Variants in PAH observed in about 807,000 individuals in gnomAD.
The protein encoded by PAH is phenylalanine-4-hydroxylase.
Under a neutral mutation model 62.0 loss-of-function variants are expected in PAH, and 64 were observed. That is an observed-to-expected ratio of 1.03 (90% confidence interval 0.84 to 1.27). The LOEUF is 1.27. Ranked by LOEUF, PAH falls within the 50% of genes most tolerant of loss-of-function variation. The pLI, the probability that PAH is intolerant of heterozygous loss-of-function variation, is 0.00. For synonymous variants in PAH, 195 were observed against 196.2 expected (o/e 0.99, Z 0.05); for missense variants, 579 against 542.8 (o/e 1.07, Z -0.66).
chr12:102,861,690 G>A (rs1671635501), intron 5 of PAH, among the ~76,000 whole-genome samples: 1 of 152,040 alleles, frequency 6.6e-6, no homozygotes, highest in African/African-American at 2.4e-5. Flanking sequence ...AGGGACATGG[G>A]TGAAACTGGA....
chr12:102,933,831 A>AT (rs150907695), intron 1 of PAH, among the ~76,000 whole-genome samples: 4,799 of 152,066 alleles, frequency 0.032, 259 homozygotes, highest in African/African-American at 0.11. Flanking sequence ...ACCTCTTTGT[A>AT]ATTTCAGTTA....
chr12:102,867,616 C>T (rs1876034707), intron 4 of PAH, among the ~76,000 whole-genome samples: 1 of 152,132 alleles, frequency 6.6e-6, no homozygotes, highest in African/African-American at 2.4e-5. Flanking sequence ...CCATCCACCA[C>T]TTTAGCTCAC....
At chr12:102,886,431 C>A (rs140615725) in intron 3 of PAH, among the ~76,000 whole-genome samples, 4 of 152,258 alleles carry the variant, frequency 2.6e-5, no homozygotes, top group Admixed American at 2.6e-4. Flanking sequence ...CAACTACCCT[C>A]CCAATATCCT....
rs1440984801 is a variant in PAH at position 102,852,369 on chromosome 12, T to G, written c.842+446A>C. On this transcript the variant is annotated intron_variant, in intron 7 of 12. Coordinates refer to ENST00000553106, the MANE Select transcript of PAH (RefSeq NM_000277.3). ...ATAAGTTGCATAAGTTTTATCAGAC[T>G]AAGGGGATAACGAAACACCCAAGTA... 9 of 235,668 alleles carry G rather than the reference T, an allele frequency of 3.8e-5. No individual in the cohort carries two copies. In the East Asian group the frequency reaches 9.0e-4, roughly 24 times the overall value. 14.6% of individuals were successfully genotyped at this position (235,668 alleles called of 1,614,324 possible).
intron 2 of PAH, among the ~76,000 whole-genome samples, chr12:102,898,160 T>G (rs1395323242): frequency 1.3e-5 from 2 of 152,264 alleles, no homozygotes; most frequent in Non-Finnish European, 2.9e-5. Flanking sequence ...TGCAAAGAGC[T>G]GGGAAGCTGC....
At position 102,868,112 on chromosome 12, in the gene PAH, ATATACATATATG is replaced by A. The variant is rs1876112608; in HGVS notation, c.442-1461_442-1450del. Among the ~76,000 whole-genome samples, 21 of 15,518 alleles carry A rather than the reference ATATACATATATG, an allele frequency of 1.4e-3. 2 individuals carry two copies. The highest frequency in any genetic ancestry group is 9.5e-3 in the African/African-American group (20 of 2,110). The allele number at this position is 15,518 out of a possible 152,430, so 10.2% of individuals were successfully genotyped here. A position where few individuals can be genotyped will look rare whatever the true frequency, so the allele number is the denominator to read the frequency against. On this transcript the variant is annotated intron_variant, in intron 4 of 12. Transcript: ENST00000553106. ...TGTATATATATATATATACACATAT[ATATACATATATG>A]TGTATATATATATATATATATATAT... is the stretch of plus-strand genomic sequence containing the variant.
At chr12:102,916,334 T>C (rs1434847279) in intron 1 of PAH, among the ~76,000 whole-genome samples, 1 of 152,178 alleles carries the variant, frequency 6.6e-6, no homozygotes, top group African/African-American at 2.4e-5. Context: ...GCTTTATGAC[T>C]GAATCTCAAG....
chr12:102,903,265 G>GTT (rs1258287093), intron 2 of PAH, among the ~76,000 whole-genome samples: 13 of 151,988 alleles, frequency 8.6e-5, no homozygotes, highest in African/African-American at 2.9e-4. Flanking sequence ...GGAAGCTGAG[G>GTT]CAAGAGAGTC....
chr12:102,866,597 G>C lies in PAH; in HGVS notation c.508C>G (p.His170Asp), dbSNP rs199475655. The C allele has an allele frequency of 3.7e-6, 6 of 1,612,210 alleles. No individual in the cohort carries two copies. The Admixed American group carries it at 1.0e-4, about 27-fold the overall frequency. ...QFADIAYNYR[H>D]GQPIPRVEYM... ...CCTCAACAAGCAAGGCAGACTTACT[G>C]GCGGTAGTTGTAGGCAATGTCAGCA... The change falls in exon 5 of 13, where the codon CAT becomes GAT. Residue 170 changes from histidine to aspartate, a missense_variant and splice_region_variant. Coordinates refer to ENST00000553106, the MANE Select transcript of PAH (RefSeq NM_000277.3).
At chr12:102,908,814 C>T (rs374678163) in intron 2 of PAH, among the ~76,000 whole-genome samples, 5 of 150,008 alleles carry the variant, frequency 3.3e-5, no homozygotes, top group Admixed American at 2.0e-4. Flanking sequence ...CAAAATACCA[C>T]GTTACATTTA....
At chr12:102,953,667 G>C (rs1255951375), upstream of PAH, 2 of 152,216 alleles carry the variant, frequency 1.3e-5, no homozygotes, top group Non-Finnish European at 2.9e-5. Context: ...TTCTGATATA[G>C]GAAAGGGGTC....
At chr12:102,881,875 A>G (rs1405190930) in intron 3 of PAH, among the ~76,000 whole-genome samples, 1 of 152,134 alleles carries the variant, frequency 6.6e-6, no homozygotes, top group East Asian at 1.9e-4. Context: ...GTTGATAGAT[A>G]TGTAGGTTGT....
At chr12:102,949,104 C>T (rs73173960) in intron 1 of PAH, among the ~76,000 whole-genome samples, 13,970 of 152,112 alleles carry the variant, frequency 0.092, 876 homozygotes, top group Admixed American at 0.21. Context: ...CCCAAAACTG[C>T]CCAGGAGTAG....
chr12:102,910,471 C>T (rs1439015050), intron 2 of PAH, among the ~76,000 whole-genome samples: 3 of 151,604 alleles, frequency 2.0e-5, no homozygotes, highest in Non-Finnish European at 4.4e-5. Context: ...CCAGGGTTCA[C>T]GCCATTCTCC....
intron 5 of PAH, among the ~76,000 whole-genome samples, chr12:102,864,972 A>G (rs896154869): frequency 6.6e-6 from 1 of 152,200 alleles, no homozygotes; most frequent in South Asian, 2.1e-4. Context: ...TACTAGCTAC[A>G]TGACCTTCGG....
Position 102,917,179 on chromosome 12 carries a change from A to T in PAH, c.-49T>A. ...TCTGGCTTTTTAGGGCCTCAGGTAC[A>T]GGCAGGTTTGCAAACAGCACGTGGG... is the stretch of plus-strand genomic sequence containing the variant. On this transcript the variant is annotated 5_prime_UTR_variant, in exon 1 of 13. Transcript: ENST00000553106. 6.3e-7 allele frequency: 1 copy of T among 1,580,608 alleles called. No homozygotes were observed. The highest frequency in any genetic ancestry group is 2.2e-5 in the East Asian group (1 of 44,690).
Position 102,848,710 on chromosome 12 carries a change from C to T in PAH, c.913-1759G>A, listed in dbSNP as rs539502225. Among the ~76,000 whole-genome samples, 142 of 89,242 alleles carry T rather than the reference C, an allele frequency of 1.6e-3. 1 individual carries two copies. The South Asian group carries it at 0.021, about 13-fold the overall frequency. The allele number at this position is 89,242 out of a possible 152,430, so 58.5% of individuals were successfully genotyped here. The stretch of plus-strand genomic sequence containing the variant: ...ACAGGACACCAGGACACTGGAGAGG[C>T]GGAGAGTAGACAGGACACCAGGAGA... On this transcript the variant is annotated intron_variant, in intron 8 of 12. Transcript: ENST00000553106.
At chr12:102,935,191 A>G (rs1404923031) in intron 1 of PAH, among the ~76,000 whole-genome samples, 1 of 152,122 alleles carries the variant, frequency 6.6e-6, no homozygotes, top group Non-Finnish European at 1.5e-5. Context: ...GATATGATGT[A>G]TCACTTTGAT....
chr12:102,877,528 A>G lies in PAH; in HGVS notation c.375T>C (p.Ile125=), dbSNP rs1028484259. The change falls in exon 4 of 13, where the codon ATT becomes ATC. Residue 125 remains isoleucine (I), a synonymous_variant. Coordinates refer to ENST00000553106, the MANE Select transcript of PAH (RefSeq NM_000277.3). The stretch of plus-strand genomic sequence containing the variant: ...GATTGGCAAATCTGTCCAGCTCTTG[A>G]ATGGTTCTTGGGAACCAGGGCACTG... ...KDTVPWFPRT[I]QELDRFANQI... is the part of the protein sequence containing the mutation. The G allele has an allele frequency of 5.0e-6, 8 of 1,614,094 alleles. No homozygotes were observed. Among genetic ancestry groups the G allele is most frequent in the Non-Finnish European group, 6.8e-6 (8 of 1,179,966 alleles).
Sources: gnomAD v4.1 joint callset for allele counts (sites outside exome capture counted in the v4.1 genomes callset) on GRCh38, gnomAD v4.1.1 for gene constraint, MANE v1.5 for transcripts, NCBI Gene and HGNC (gene_info 2026-07-23, HGNC 2026-07-21) for gene names.